Variants in ATG13 observed in about 807,000 individuals in gnomAD.
ATG13 encodes autophagy-related protein 13.
Under a neutral mutation model 65.5 loss-of-function variants are expected in ATG13, and 23 were observed. That is an observed-to-expected ratio of 0.35 (90% CI 0.25 to 0.50). The LOEUF (loss-of-function observed/expected upper bound fraction) is 0.50. ATG13 is among the 20% of genes least tolerant of loss of function. The pLI, the probability that ATG13 is intolerant of heterozygous loss-of-function variation, is 0.98. For missense variants in ATG13, 566 were observed against 677.0 expected (o/e 0.84, Z 1.82); for synonymous variants, 252 against 245.2 (o/e 1.03, Z -0.26).
At chr11:46,646,716 C>G (rs544262316) in intron 5 of ATG13, among the ~76,000 whole-genome samples, 3 of 151,596 alleles carry the variant, frequency 2.0e-5, no homozygotes, top group Non-Finnish European at 4.4e-5. Flanking sequence ...CGCCCACTTT[C>G]GGCCTCCTAA....
intron 11 of ATG13, among the ~76,000 whole-genome samples, chr11:46,662,347 T>C (rs2136940147): frequency 6.6e-6 from 1 of 152,338 alleles, no homozygotes; most frequent in South Asian, 2.1e-4. Flanking sequence ...TTGCGAGATA[T>C]GAGGGATGGT....
At position 46,645,395 on chromosome 11, in the gene ATG13, ATCT is replaced by A; in HGVS notation, c.130_132del (p.Ser44del). The A allele has an allele frequency of 6.2e-7, 1 of 1,613,862 alleles. No individual in the cohort carries two copies. The highest frequency in any genetic ancestry group is 2.2e-5 in the East Asian group (1 of 44,866). On this transcript the variant is annotated inframe_deletion, in exon 4 of 19. Coordinates refer to ENST00000683050, the MANE Select transcript of ATG13 (RefSeq NM_001346311.2). Reference sequence around the variant, plus strand: ...GTGAAAAGATTTGCACTCGTTCATCATCTTCTCCAACGGGTTCAGATTGGGTAA... The same window carrying A: ...GTGAAAAGATTTGCACTCGTTCATCATCTCCAACGGGTTCAGATTGGGTAA...
intron 2 of ATG13, among the ~76,000 whole-genome samples, chr11:46,635,949 G>C (rs1013248181): frequency 1.3e-5 from 2 of 152,028 alleles, no homozygotes; most frequent in Non-Finnish European, 1.5e-5. Context: ...TTCTTTCTTT[G>C]TTTTTCTTCT....
intron 11 of ATG13, among the ~76,000 whole-genome samples, chr11:46,660,528 C>A (rs1320123922): frequency 6.6e-6 from 1 of 151,544 alleles, no homozygotes; most frequent in Non-Finnish European, 1.5e-5. Flanking sequence ...TCCTGCCTAG[C>A]CTCCCGAGTA....
intron 14 of ATG13, among the ~76,000 whole-genome samples, chr11:46,666,149 C>A (rs2062313517): frequency 6.6e-6 from 1 of 151,930 alleles, no homozygotes; most frequent in Non-Finnish European, 1.5e-5. Flanking sequence ...AGTGTAGACT[C>A]CTTGAAGTTC....
intron 12 of ATG13, 42 bp from the exon 13 acceptor site, chr11:46,664,807 C>T (rs1197030145): frequency 5.8e-6 from 9 of 1,559,710 alleles, no homozygotes; most frequent in Admixed American, 5.2e-5. Flanking sequence ...CCTATTTTTT[C>T]CTTGCCTTTC....
At chr11:46,651,664 T>TA (rs1289435234) in intron 7 of ATG13, among the ~76,000 whole-genome samples, 1 of 152,334 alleles carries the variant, frequency 6.6e-6, no homozygotes, top group East Asian at 1.9e-4. Context: ...AGGAGAGACT[T>TA]ATCTAGTTCT....
At chr11:46,657,482 A>G (rs1263717931) in intron 9 of ATG13, 42 bp from the exon 10 acceptor site, 16 of 1,578,694 alleles carry the variant, frequency 1.0e-5, no homozygotes, top group Non-Finnish European at 1.4e-5. Flanking sequence ...GGGGCTGGAA[A>G]GGCATTCTAA....
chr11:46,639,940 G>A (rs1011782569), intron 2 of ATG13, among the ~76,000 whole-genome samples: 2 of 146,354 alleles, frequency 1.4e-5, no homozygotes, highest in Admixed American at 1.4e-4. Flanking sequence ...TGCAGTCTCT[G>A]CCTCCCAGGC....
chr11:46,656,125 C>G (rs2136674407), intron 7 of ATG13, 108 bp from the exon 8 acceptor site: 5 of 909,262 alleles, frequency 5.5e-6, no homozygotes, highest in Non-Finnish European at 8.7e-6. Context: ...GGTATTTGAG[C>G]AGATGAGTAA....
chr11:46,637,353 C>A (rs1485921600), intron 2 of ATG13, among the ~76,000 whole-genome samples: 1 of 152,180 alleles, frequency 6.6e-6, no homozygotes, highest in Non-Finnish European at 1.5e-5. Flanking sequence ...AGAATATCTT[C>A]ATGATTTGCA....
chr11:46,632,130 A>G (rs2052010132), intron 2 of ATG13, among the ~76,000 whole-genome samples: 1 of 152,240 alleles, frequency 6.6e-6, no homozygotes, highest in African/African-American at 2.4e-5. Context: ...GTCACAGGAC[A>G]ATAAGTGTAG....
chr11:46,659,409 C>G lies in ATG13; in HGVS notation c.713C>G (p.Thr238Ser). ...PCNYRTAGED[T>S]GVIYPSVEDS... ...CACTTTAGAACTGCTGGTGAGGACACTGGAGTAATATACCCGTCTGTAGAA... is the reference window on the plus strand; with the variant it reads ...CACTTTAGAACTGCTGGTGAGGACAGTGGAGTAATATACCCGTCTGTAGAA... The change falls in exon 11 of 19, where the codon ACT (threonine) becomes AGT (serine). Residue 238 changes from threonine (T) to serine (S), a missense_variant. Physicochemically the swap from Thr to Ser is moderately conservative, Grantham distance 58. Around this residue, in one of 2 missense-constraint regions of ATG13, gnomAD observed 387 missense variants for 409.8 expected, o/e 0.94. Coordinates refer to ENST00000683050, the MANE Select transcript of ATG13 (RefSeq NM_001346311.2). 1 of 1,613,620 alleles carries G rather than the reference C, an allele frequency of 6.2e-7. No homozygotes were observed. Among genetic ancestry groups the G allele is most frequent in the Non-Finnish European group, 8.5e-7 (1 of 1,179,538 alleles).
Position 46,672,922 on chromosome 11 carries a change from A to T in ATG13, c.*590A>T. On this transcript the variant is annotated 3_prime_UTR_variant, in exon 19 of 19. Coordinates refer to ENST00000683050, the MANE Select transcript of ATG13 (RefSeq NM_001346311.2). ...GCAATATGACAGGCCTGCCTACCCA[A>T]GATCAGAACTCCAAAACCACTCCCA... The T allele has an allele frequency of 2.4e-6, 2 of 823,858 alleles. No individual in the cohort carries two copies. Among genetic ancestry groups the T allele is most frequent in the Non-Finnish European group, 3.3e-6 (2 of 612,540 alleles). The allele number at this position is 823,858 out of a possible 1,614,324, so 51.0% of individuals were successfully genotyped here.
intron 10 of ATG13, among the ~76,000 whole-genome samples, chr11:46,658,081 A>G (rs1291986120): frequency 1.3e-5 from 2 of 152,166 alleles, no homozygotes; most frequent in African/African-American, 2.4e-5. Flanking sequence ...AAAAAAAAAA[A>G]AAGACTTTTC....
At chr11:46,654,542 G>A (rs1467750789) in intron 7 of ATG13, among the ~76,000 whole-genome samples, 3 of 151,576 alleles carry the variant, frequency 2.0e-5, no homozygotes, top group East Asian at 1.9e-4. Context: ...GCAACACACC[G>A]AGACCCTGTC....
At chr11:46,667,982 G>A (rs2062759327) in intron 15 of ATG13, 95 bp downstream of exon 15, 4 of 949,194 alleles carry the variant, frequency 4.2e-6, no homozygotes, top group African/African-American at 3.3e-5. Context: ...TAATATATAT[G>A]AAACTACTGA....
chr11:46,620,012 G>A lies in ATG13; in HGVS notation c.-70+2122G>A, dbSNP rs182634785. ...CCATTGCACTCCAGCCCGGGAGACAGCGCCCCTCTGTCTCAAAAAAAAAAA... is the reference window on the plus strand; with the variant it reads ...CCATTGCACTCCAGCCCGGGAGACAACGCCCCTCTGTCTCAAAAAAAAAAA... On this transcript the variant is annotated intron_variant, in intron 1 of 18. Transcript: ENST00000683050. Among the ~76,000 whole-genome samples, 1,054 of 144,186 alleles carry A rather than the reference G, an allele frequency of 7.3e-3. 22 individuals carry two copies. Among genetic ancestry groups the A allele is most frequent in the African/African-American group, 0.027 (1,022 of 38,056 alleles). The allele number at this position is 144,186 out of a possible 152,430, so 94.6% of individuals were successfully genotyped here.
rs2060214650 is a variant in ATG13, at chr11:46,657,205, C to T, written c.596+14C>T. 2 of 1,601,636 alleles carry T rather than the reference C, an allele frequency of 1.2e-6. No homozygotes were observed. The highest frequency in any genetic ancestry group is 1.7e-6 in the Non-Finnish European group (2 of 1,169,294). On this transcript the variant is annotated intron_variant, in intron 9 of 18. Transcript: ENST00000683050. ...CATGTCTACCAGGTGAGGAAGAGCC[C>T]TGGAATCCAAAAGAACTCTTCCGAA...
Sources: allele counts gnomAD v4.1 joint callset (sites outside exome capture counted in the v4.1 genomes callset), GRCh38; gene constraint gnomAD v4.1.1; regional missense constraint gnomAD v4.1.1; transcripts MANE v1.5; gene names NCBI Gene and HGNC (gene_info 2026-07-23, HGNC 2026-07-21).